The following MYRIP variants were observed in gnomAD, a reference collection of about 807,000 sequenced individuals.
The protein encoded by MYRIP is rab effector MyRIP.
In MYRIP, 49 loss-of-function variants were observed where a neutral mutation model predicts 98.0. The ratio of observed to expected loss-of-function variants is 0.50; its 90% confidence interval spans 0.40 to 0.63. The LOEUF is 0.63. Ranked by LOEUF, MYRIP falls within the 30% of genes least tolerant of loss-of-function variation. The probability of loss-of-function intolerance (pLI) is 0.00; values close to 1 mark genes in which losing one functional copy is unlikely to be tolerated. For missense variants in MYRIP, 1,004 were observed against 1,058.2 expected (o/e 0.95, Z 0.71); for synonymous variants, 404 against 409.5 (o/e 0.99, Z 0.16).
intron 1 of MYRIP, among the ~76,000 whole-genome samples, chr3:39,887,088 T>G (rs1401666674): frequency 7.2e-5 from 11 of 151,916 alleles, no homozygotes; most frequent in Admixed American, 7.2e-4. Context: ...CCTGAATGAC[T>G]ACTGGGTACA....
At chr3:39,869,318 CTGCCAG>C (rs1398071044) in intron 1 of MYRIP, among the ~76,000 whole-genome samples, 1 of 152,040 alleles carries the variant, frequency 6.6e-6, no homozygotes, top group Non-Finnish European at 1.5e-5. Flanking sequence ...CTGATTATTT[CTGCCAG>C]TGCAGATATA....
At chr3:40,214,148 A>C (rs900346939) in intron 11 of MYRIP, among the ~76,000 whole-genome samples, 4 of 152,238 alleles carry the variant, frequency 2.6e-5, no homozygotes, top group Non-Finnish European at 5.9e-5. Flanking sequence ...GACAAACAGA[A>C]GAAAAGTGTC....
chr3:39,896,637 A>G (rs1228488226), intron 1 of MYRIP, among the ~76,000 whole-genome samples: 1 of 152,196 alleles, frequency 6.6e-6, no homozygotes, highest in African/African-American at 2.4e-5. Flanking sequence ...CCCAGCAATA[A>G]TTACCCTTTA....
At chr3:40,085,259 T>C (rs1388612704) in intron 3 of MYRIP, among the ~76,000 whole-genome samples, 2 of 152,104 alleles carry the variant, frequency 1.3e-5, no homozygotes, top group African/African-American at 4.8e-5. Flanking sequence ...ATGTATTATA[T>C]ATAATTCACA....
At chr3:40,201,426 G>GTAA (rs59666804) in intron 10 of MYRIP, among the ~76,000 whole-genome samples, 140,716 of 152,020 alleles carry the variant, frequency 0.93, 65,273 homozygotes, top group Middle Eastern at 0.95. Flanking sequence ...TTAAATCAAT[G>GTAA]TAATATGAAG....
intron 1 of MYRIP, among the ~76,000 whole-genome samples, chr3:39,854,607 C>T (rs1297670757): frequency 1.3e-5 from 2 of 152,218 alleles, no homozygotes; most frequent in Non-Finnish European, 2.9e-5. Flanking sequence ...CCTTGAATAG[C>T]TTAATAACCA....
intron 4 of MYRIP, among the ~76,000 whole-genome samples, chr3:40,160,310 A>G (rs1335325513): frequency 2.0e-5 from 3 of 152,140 alleles, no homozygotes; most frequent in African/African-American, 4.8e-5. Flanking sequence ...CTGCTCGGGG[A>G]TCAGGGGTCA....
At chr3:40,136,719 G>A (rs535059249) in intron 3 of MYRIP, among the ~76,000 whole-genome samples, 2 of 152,292 alleles carry the variant, frequency 1.3e-5, no homozygotes, top group South Asian at 2.1e-4. Context: ...TAGAACTCAG[G>A]ATTAAGAAAC....
chr3:39,922,857 T>A (rs1203563460), intron 2 of MYRIP, among the ~76,000 whole-genome samples: 1 of 152,010 alleles, frequency 6.6e-6, no homozygotes, highest in Non-Finnish European at 1.5e-5. Context: ...AGACAATCAA[T>A]ATATGCCAAG....
At chr3:39,870,849 A>C (rs1031586676) in intron 1 of MYRIP, among the ~76,000 whole-genome samples, 1 of 152,196 alleles carries the variant, frequency 6.6e-6, no homozygotes, top group Non-Finnish European at 1.5e-5. Context: ...TTTGGGTCTC[A>C]GCAGTTACTT....
In MYRIP at chr3:39,885,767, C is replaced by T. The variant is rs184070888; in HGVS notation, c.-30-15020C>T. Among the ~76,000 whole-genome samples, 3 of 152,118 alleles carry T rather than the reference C, an allele frequency of 2.0e-5. No homozygotes were observed. In the East Asian group the frequency reaches 5.8e-4, roughly 29 times the overall value. ...TCATTTGATCTTCCATCACTGATACCCTATCTTCCAGTTGATCGCATTGGC... is the reference window on the plus strand; with the variant it reads ...TCATTTGATCTTCCATCACTGATACTCTATCTTCCAGTTGATCGCATTGGC... On this transcript the variant is annotated intron_variant, in intron 1 of 16. Coordinates refer to ENST00000302541, the MANE Select transcript of MYRIP (RefSeq NM_015460.4).
chr3:40,195,781 G>A (rs1193266610), intron 10 of MYRIP, among the ~76,000 whole-genome samples: 1 of 152,036 alleles, frequency 6.6e-6, no homozygotes, highest in Non-Finnish European at 1.5e-5. Flanking sequence ...GTGATACTAA[G>A]AACATGGCAA....
At chr3:40,082,045 C>A (rs551542317) in intron 3 of MYRIP, among the ~76,000 whole-genome samples, 9 of 152,196 alleles carry the variant, frequency 5.9e-5, no homozygotes, top group Non-Finnish European at 1.3e-4. Flanking sequence ...TGTGTATATA[C>A]CACATTTTCT....
At chr3:39,935,362 C>T (rs1944633820) in intron 2 of MYRIP, among the ~76,000 whole-genome samples, 1 of 152,046 alleles carries the variant, frequency 6.6e-6, no homozygotes, top group Admixed American at 6.6e-5. Flanking sequence ...GCTCAGGGAA[C>T]AATAGAATTG....
intron 1 of MYRIP, among the ~76,000 whole-genome samples, chr3:39,886,656 G>T (rs959662815): frequency 7.2e-5 from 11 of 151,912 alleles, no homozygotes; most frequent in Non-Finnish European, 1.5e-4. Context: ...AAATATATAT[G>T]CACCCAATAC....
At chr3:40,003,869 T>A (rs1408181950) in intron 2 of MYRIP, among the ~76,000 whole-genome samples, 1 of 152,200 alleles carries the variant, frequency 6.6e-6, no homozygotes, top group African/African-American at 2.4e-5. Context: ...GGTTTATACC[T>A]GAATAATTTG....
At chr3:40,110,426 G>T (rs1277335783) in intron 3 of MYRIP, among the ~76,000 whole-genome samples, 1 of 152,216 alleles carries the variant, frequency 6.6e-6, no homozygotes, top group Non-Finnish European at 1.5e-5. Flanking sequence ...TAACCTCAAA[G>T]GATCAGTTAT....
chr3:40,052,942 A>G (rs1470256312), intron 3 of MYRIP, among the ~76,000 whole-genome samples: 1 of 152,218 alleles, frequency 6.6e-6, no homozygotes, highest in Non-Finnish European at 1.5e-5. Flanking sequence ...AGGAAAACAT[A>G]GAAAAATAGA....
intron 3 of MYRIP, among the ~76,000 whole-genome samples, chr3:40,111,844 G>A (rs1949164632): frequency 6.6e-6 from 1 of 152,188 alleles, no homozygotes; most frequent in African/African-American, 2.4e-5. Flanking sequence ...TTTATTTCCA[G>A]GAGTTGAAGA....
Sources: allele counts gnomAD v4.1 joint callset (sites outside exome capture counted in the v4.1 genomes callset), GRCh38; gene constraint gnomAD v4.1.1; transcripts MANE v1.5; gene names NCBI Gene and HGNC (gene_info 2026-07-23, HGNC 2026-07-21).